RGS22: variants seen among roughly 807,000 people sequenced by gnomAD.
RGS22 encodes the protein regulator of G protein signaling 22.
In RGS22, 148 loss-of-function variants were observed where a neutral mutation model predicts 172.9. The ratio of observed to expected loss-of-function variants is 0.86; its 90% confidence interval spans 0.75 to 0.98. The LOEUF is 0.98. Ranked by LOEUF, RGS22 falls within the 50% of genes least tolerant of loss-of-function variation. RGS22 has a pLI of 0.00. For synonymous variants in RGS22, 458 were observed against 480.2 expected, an observed-to-expected ratio of 0.95 and a Z score of 0.60; for missense variants, 1,347 against 1,440.8, an observed-to-expected ratio of 0.93 and a Z score of 1.05.
At chr8:99,979,423 T>C (rs949439083) in intron 22 of RGS22, among the ~76,000 whole-genome samples, 1 of 152,204 alleles carries the variant, frequency 6.6e-6, no homozygotes, top group African/African-American at 2.4e-5. Flanking sequence ...TTAATTAAAA[T>C]TACCCTGTAC....
chr8:100,031,456 T>C (rs1028243097), intron 14 of RGS22, among the ~76,000 whole-genome samples: 1 of 152,148 alleles, frequency 6.6e-6, no homozygotes, highest in Non-Finnish European at 1.5e-5. Context: ...CTCTTATTTC[T>C]CATTTCCATT....
intron 14 of RGS22, among the ~76,000 whole-genome samples, chr8:100,033,663 A>C (rs1186637516): frequency 6.6e-6 from 1 of 150,802 alleles, no homozygotes; most frequent in African/African-American, 2.4e-5. Context: ...GAATCCTCCC[A>C]AAAAAAGAAT....
At position 100,051,635 on chromosome 8, in the gene RGS22, T is replaced by A. The variant is rs548895479; in HGVS notation, c.1689+1167A>T. ...TGTTTATACATATATAAATATATAT[T>A]TATATATGTTTATACATATATAAAT... On this transcript the variant is annotated intron_variant, in intron 10 of 27. Coordinates refer to ENST00000360863, the MANE Select transcript of RGS22 (RefSeq NM_015668.5). Among the ~76,000 whole-genome samples the A allele has an allele frequency of 4.7e-4, 11 of 23,452 alleles. 3 individuals are homozygous for A. The East Asian group carries it at 0.015, about 32-fold the overall frequency. 15.4% of individuals were successfully genotyped at this position (23,452 alleles called of 152,430 possible). A position where few individuals can be genotyped will look rare whatever the true frequency, so the allele number is the denominator to read the frequency against.
At chr8:99,963,293 G>T (rs1349962480) in intron 24 of RGS22, among the ~76,000 whole-genome samples, 1 of 152,154 alleles carries the variant, frequency 6.6e-6, no homozygotes, top group Non-Finnish European at 1.5e-5. Context: ...TTGCAGGGAG[G>T]AGGTGAGGTG....
At chr8:100,022,107 A>G (rs1462077580) in intron 14 of RGS22, among the ~76,000 whole-genome samples, 1 of 152,174 alleles carries the variant, frequency 6.6e-6, no homozygotes, top group South Asian at 2.1e-4. Context: ...TTACAGATGG[A>G]GCTTTTCACA....
At chr8:100,024,717 G>C (rs1028795066) in intron 14 of RGS22, among the ~76,000 whole-genome samples, 2 of 152,206 alleles carry the variant, frequency 1.3e-5, no homozygotes, top group African/African-American at 4.8e-5. Context: ...TAAGAGTATA[G>C]GGTCTGGAGT....
intron 20 of RGS22, among the ~76,000 whole-genome samples, chr8:99,989,963 G>A (rs757010446): frequency 5.9e-5 from 9 of 152,096 alleles, no homozygotes; most frequent in East Asian, 5.8e-4. Flanking sequence ...AATGTAAGAC[G>A]ATTTAACCTG....
intron 14 of RGS22, among the ~76,000 whole-genome samples, chr8:100,032,681 C>T (rs1818964647): frequency 6.6e-6 from 1 of 152,194 alleles, no homozygotes; most frequent in Non-Finnish European, 1.5e-5. Flanking sequence ...TAGACATCTA[C>T]AGAACTCTCC....
intron 2 of RGS22, among the ~76,000 whole-genome samples, chr8:100,104,606 G>C (rs953518514): frequency 6.6e-6 from 1 of 152,238 alleles, no homozygotes; most frequent in Admixed American, 6.5e-5. Flanking sequence ...TGAACTTCTT[G>C]AGACTTAACC....
At chr8:99,985,520 C>T (rs1332055134) in intron 21 of RGS22, among the ~76,000 whole-genome samples, 1 of 152,196 alleles carries the variant, frequency 6.6e-6, no homozygotes, top group Non-Finnish European at 1.5e-5. Context: ...GCATCAGAAT[C>T]AACATTATTT....
chr8:100,079,968 C>T (rs1811626796), intron 4 of RGS22, among the ~76,000 whole-genome samples, 166 bp downstream of exon 4: 1 of 152,116 alleles, frequency 6.6e-6, no homozygotes, highest in African/African-American at 2.4e-5. Flanking sequence ...AACAAAACTG[C>T]TGAACTGGCC....
chr8:99,993,232 C>G (rs1266928024), intron 20 of RGS22, among the ~76,000 whole-genome samples: 1 of 152,038 alleles, frequency 6.6e-6, no homozygotes, highest in Non-Finnish European at 1.5e-5. Context: ...CAAACAAATT[C>G]AAAAGCTAGC....
intron 2 of RGS22, among the ~76,000 whole-genome samples, chr8:100,099,105 G>A (rs1262713103): frequency 6.6e-6 from 1 of 151,500 alleles, no homozygotes; most frequent in Non-Finnish European, 1.5e-5. Flanking sequence ...TAGTAGAGAC[G>A]GGGTTTCACC....
intron 4 of RGS22, among the ~76,000 whole-genome samples, chr8:100,077,032 A>G (rs1811405097): frequency 6.6e-6 from 1 of 152,066 alleles, no homozygotes; most frequent in Admixed American, 6.6e-5. Flanking sequence ...TTTAAATTCC[A>G]TGAGCTTATA....
chr8:99,973,637 A>G (rs1443420137), intron 23 of RGS22, among the ~76,000 whole-genome samples: 1 of 152,144 alleles, frequency 6.6e-6, no homozygotes, highest in Non-Finnish European at 1.5e-5. Flanking sequence ...TGGGAGACTG[A>G]GGCGGGCAAA....
intron 5 of RGS22, 123 bp downstream of exon 5, chr8:100,072,022 C>A: frequency 1.6e-6 from 1 of 619,568 alleles, no homozygotes; most frequent in Admixed American, 3.4e-5. Context: ...TATAGCAAGA[C>A]CCTGACTCTA....
intron 14 of RGS22, among the ~76,000 whole-genome samples, chr8:100,009,651 T>C (rs1276828464): frequency 1.3e-5 from 2 of 152,238 alleles, no homozygotes; most frequent in Non-Finnish European, 2.9e-5. Flanking sequence ...AGTTAACTTA[T>C]ACTTTATTTC....
chr8:100,040,342 A>G (rs549491810), intron 12 of RGS22, among the ~76,000 whole-genome samples: 1 of 152,332 alleles, frequency 6.6e-6, no homozygotes, highest in East Asian at 1.9e-4. Flanking sequence ...TGTTGAAGCA[A>G]CTTCCCAGCC....
At chr8:100,046,643 C>G (rs527328046) in intron 11 of RGS22, among the ~76,000 whole-genome samples, 1 of 149,054 alleles carries the variant, frequency 6.7e-6, no homozygotes, top group South Asian at 2.2e-4. Context: ...AAAAAACTTA[C>G]AAAAATAAAT....
Sources: allele counts gnomAD v4.1 joint callset (sites outside exome capture counted in the v4.1 genomes callset), GRCh38; gene constraint gnomAD v4.1.1; transcripts MANE v1.5; gene names NCBI Gene and HGNC (gene_info 2026-07-23, HGNC 2026-07-21).